The following MTMR7 variants were observed in gnomAD, a reference collection of about 807,000 sequenced individuals.
MTMR7 encodes phosphatidylinositol-3-phosphate phosphatase MTMR7.
In MTMR7, 76 loss-of-function variants were observed where a neutral mutation model predicts 81.2. The ratio of observed to expected loss-of-function variants is 0.94; its 90% confidence interval spans 0.78 to 1.13. The LOEUF (loss-of-function observed/expected upper bound fraction) is 1.13. Ranked by LOEUF, MTMR7 falls within the 50% of genes most tolerant of loss-of-function variation. The pLI is 0.00. For missense variants in MTMR7, 1,044 were observed against 820.0 expected (o/e 1.27, Z -3.34); for synonymous variants, 372 against 289.8 (o/e 1.28, Z -2.88).
chr8:17,352,514 G>A (rs535544507), intron 4 of MTMR7, among the ~76,000 whole-genome samples: 2 of 152,040 alleles, frequency 1.3e-5, no homozygotes, highest in African/African-American at 4.8e-5. Context: ...AGAACATAAG[G>A]GACAAGCTTT....
intron 1 of MTMR7, among the ~76,000 whole-genome samples, chr8:17,396,360 C>A (rs2150580746): frequency 6.6e-6 from 1 of 152,276 alleles, no homozygotes; most frequent in East Asian, 1.9e-4. Context: ...GCCGAGGCAA[C>A]CTGTCCCCCA....
intron 3 of MTMR7, among the ~76,000 whole-genome samples, chr8:17,369,857 G>A (rs1334362615): frequency 6.6e-6 from 1 of 151,788 alleles, no homozygotes; most frequent in Non-Finnish European, 1.5e-5. Context: ...GTCTTAGCCA[G>A]GATGGTCTCA....
At chr8:17,406,672 G>C (rs141340211) in intron 1 of MTMR7, among the ~76,000 whole-genome samples, 5 of 151,988 alleles carry the variant, frequency 3.3e-5, no homozygotes, top group African/African-American at 1.2e-4. Context: ...ACAAACATAC[G>C]TCCACACAAA....
chr8:17,411,360 T>C (rs1295135281), intron 1 of MTMR7, among the ~76,000 whole-genome samples: 1 of 152,166 alleles, frequency 6.6e-6, no homozygotes, highest in Non-Finnish European at 1.5e-5. Flanking sequence ...CTCTCTTCAG[T>C]CTCCCTCTCT....
chr8:17,370,017 T>G (rs1489327512), intron 3 of MTMR7, among the ~76,000 whole-genome samples: 3 of 151,984 alleles, frequency 2.0e-5, no homozygotes, highest in African/African-American at 7.3e-5. Context: ...AACACTTCTG[T>G]AGAAGCGAAC....
intron 1 of MTMR7, among the ~76,000 whole-genome samples, chr8:17,397,401 T>C (rs1585121496): frequency 6.6e-6 from 1 of 152,072 alleles, no homozygotes. Context: ...TGAAGAGCCC[T>C]TGGGCTTTAA....
chr8:17,316,519 G>A (rs1586168943), intron 7 of MTMR7, among the ~76,000 whole-genome samples: 1 of 150,680 alleles, frequency 6.6e-6, no homozygotes, highest in East Asian at 1.9e-4. Context: ...CCCTGTACCT[G>A]GATTTCTATA....
chr8:17,362,356 C>A (rs1340995433), intron 3 of MTMR7, among the ~76,000 whole-genome samples: 2 of 152,156 alleles, frequency 1.3e-5, no homozygotes, highest in Non-Finnish European at 2.9e-5. Context: ...CAGTGGCTAC[C>A]ACCTTGGACA....
chr8:17,378,279 T>A (rs2150570204), intron 1 of MTMR7, among the ~76,000 whole-genome samples: 1 of 152,288 alleles, frequency 6.6e-6, no homozygotes, highest in Non-Finnish European at 1.5e-5. Flanking sequence ...CCAGAGATAC[T>A]AACAATTAAA....
At chr8:17,382,331 T>A (rs1165105581) in intron 1 of MTMR7, among the ~76,000 whole-genome samples, 1 of 152,196 alleles carries the variant, frequency 6.6e-6, no homozygotes, top group Non-Finnish European at 1.5e-5. Context: ...GTGGCTCTTT[T>A]TCATTTTCCA....
At chr8:17,353,574 G>A (rs546620127) in intron 4 of MTMR7, among the ~76,000 whole-genome samples, 129 of 152,240 alleles carry the variant, frequency 8.5e-4, no homozygotes, top group African/African-American at 3.0e-3. Context: ...AACATATGTC[G>A]CTAATTTTCA....
rs140775441 is a variant in MTMR7, at chr8:17,349,839, T to C, written c.469-758A>G. Among the ~76,000 whole-genome samples the C allele has an allele frequency of 1.2e-4, 18 of 152,260 alleles. No individual in the cohort carries two copies. The East Asian group carries it at 3.5e-3, about 29-fold the overall frequency. ...AGGGTGCCTTGGAAGGATCTTGCAA[T>C]TAAGAACCAGAAATCAGCAGTTTAG... On this transcript the variant is annotated intron_variant, in intron 4 of 13. Coordinates refer to ENST00000180173, the MANE Select transcript of MTMR7 (RefSeq NM_004686.5).
chr8:17,304,835 A>G (rs1328257427), intron 11 of MTMR7, among the ~76,000 whole-genome samples: 1 of 151,704 alleles, frequency 6.6e-6, no homozygotes, highest in Non-Finnish European at 1.5e-5. Context: ...TTTGTCACAC[A>G]CTATTCTAAA....
intron 1 of MTMR7, among the ~76,000 whole-genome samples, chr8:17,377,359 T>C (rs927901376): frequency 6.6e-6 from 1 of 152,110 alleles, no homozygotes; most frequent in African/African-American, 2.4e-5. Flanking sequence ...TTTACAATCT[T>C]TTAATTCTTA....
intron 1 of MTMR7, among the ~76,000 whole-genome samples, chr8:17,392,112 A>T (rs28609109): frequency 0.1 from 15,970 of 152,184 alleles, 2,270 homozygotes; most frequent in African/African-American, 0.32. Flanking sequence ...TCTGGTCAAG[A>T]GGTTTAATTT....
intron 1 of MTMR7, among the ~76,000 whole-genome samples, chr8:17,403,189 T>C (rs1006966265): frequency 2.0e-5 from 3 of 152,184 alleles, no homozygotes; most frequent in African/African-American, 7.2e-5. Flanking sequence ...TTTTCTCCCA[T>C]TCTGTGGGTT....
chr8:17,373,090 A>G, intron 2 of MTMR7, 28 bp downstream of exon 2: 2 of 1,610,536 alleles, frequency 1.2e-6, no homozygotes, highest in Non-Finnish European at 1.7e-6. Context: ...ACGCAAAACA[A>G]GGAAAGCTAA....
chr8:17,349,760 G>C (rs891038033), intron 4 of MTMR7, among the ~76,000 whole-genome samples: 3 of 152,188 alleles, frequency 2.0e-5, no homozygotes, highest in African/African-American at 7.2e-5. Flanking sequence ...TTGATAAGTG[G>C]TAAGGATCGA....
chr8:17,319,592 G>C (rs1249852305), intron 7 of MTMR7, among the ~76,000 whole-genome samples: 2 of 152,070 alleles, frequency 1.3e-5, no homozygotes, highest in Non-Finnish European at 2.9e-5. Context: ...TACATACCAG[G>C]TACCAGACAC....
Sources: allele counts gnomAD v4.1 joint callset (sites outside exome capture counted in the v4.1 genomes callset), GRCh38; gene constraint gnomAD v4.1.1; transcripts MANE v1.5; gene names NCBI Gene and HGNC (gene_info 2026-07-23, HGNC 2026-07-21).